The following SCFD2 variants were observed in gnomAD, a reference collection of about 807,000 sequenced individuals.
SCFD2 encodes the protein sec1 family domain-containing protein 2.
Under a neutral mutation model 58.9 loss-of-function variants are expected in SCFD2, and 54 were observed. The observed-to-expected ratio is 0.92, with a 90% CI of 0.74 to 1.15. The LOEUF is 1.15. SCFD2 is among the 50% of genes most tolerant of loss of function. The probability of loss-of-function intolerance (pLI) is 0.00; values close to 1 mark genes in which losing one functional copy is unlikely to be tolerated. For synonymous variants in SCFD2, 321 were observed against 335.9 expected (o/e 0.96, Z 0.49); for missense variants, 805 against 836.6 (o/e 0.96, Z 0.47).
intron 5 of SCFD2, among the ~76,000 whole-genome samples, chr4:52,985,050 T>TA (rs1282631804): frequency 1.3e-5 from 2 of 152,234 alleles, no homozygotes; most frequent in African/African-American, 4.8e-5. Flanking sequence ...CATGGGTATT[T>TA]AAAAACACAG....
At chr4:52,995,033 G>C (rs1182573312) in intron 5 of SCFD2, among the ~76,000 whole-genome samples, 1 of 152,114 alleles carries the variant, frequency 6.6e-6, no homozygotes, top group Admixed American at 6.5e-5. Flanking sequence ...GAATCAGGGG[G>C]GTGGCATGGG....
chr4:53,036,747 A>G (rs530913435), intron 5 of SCFD2, among the ~76,000 whole-genome samples: 1 of 152,126 alleles, frequency 6.6e-6, no homozygotes, highest in Admixed American at 6.6e-5. Flanking sequence ...AATGTAGGTG[A>G]CAGGTTGATG....
At chr4:53,044,467 G>A (rs768046552) in intron 5 of SCFD2, among the ~76,000 whole-genome samples, 1 of 149,648 alleles carries the variant, frequency 6.7e-6, no homozygotes, top group South Asian at 2.1e-4. Context: ...ACACTTTTTG[G>A]GGTTCCACAT....
chr4:53,271,161 T>A lies in SCFD2; in HGVS notation c.1311+2665A>T, dbSNP rs549964437. 4.8e-4 allele frequency among the ~76,000 whole-genome samples: 73 copies of A among 152,272 alleles called. 4 individuals carry two copies. In the South Asian group the frequency reaches 0.015, roughly 31 times the overall value. On this transcript the variant is annotated intron_variant, in intron 4 of 8. Coordinates refer to ENST00000401642, the MANE Select transcript of SCFD2 (RefSeq NM_152540.4). ...GGATAATGAAGGCAGCTCACCGACATCCTGAAGAGGACACAGCCTTGAGCC... is the reference window on the plus strand; with the variant it reads ...GGATAATGAAGGCAGCTCACCGACAACCTGAAGAGGACACAGCCTTGAGCC...
intron 4 of SCFD2, among the ~76,000 whole-genome samples, chr4:53,178,055 C>T (rs752157592): frequency 6.6e-6 from 1 of 152,224 alleles, no homozygotes; most frequent in Non-Finnish European, 1.5e-5. Context: ...GGAGGCCTAC[C>T]TGCCTCTGTA....
intron 4 of SCFD2, among the ~76,000 whole-genome samples, chr4:53,213,221 T>C (rs1284304262): frequency 2.0e-5 from 3 of 152,078 alleles, no homozygotes; most frequent in Non-Finnish European, 4.4e-5. Flanking sequence ...GTCTCCAGTA[T>C]AAGCAAAAAG....
chr4:52,917,933 A>G (rs1046439443), intron 6 of SCFD2, among the ~76,000 whole-genome samples: 11 of 152,216 alleles, frequency 7.2e-5, no homozygotes, highest in Admixed American at 3.9e-4. Context: ...TCTGAGACTT[A>G]GTGCATGCGC....
At chr4:53,214,966 T>C (rs924156809) in intron 4 of SCFD2, among the ~76,000 whole-genome samples, 7 of 152,186 alleles carry the variant, frequency 4.6e-5, no homozygotes, top group Non-Finnish European at 7.3e-5. Flanking sequence ...TAGTTGTAGA[T>C]ATGCGGCGTT....
At chr4:53,113,059 TTACTC>T (rs1166569739) in intron 5 of SCFD2, among the ~76,000 whole-genome samples, 1 of 152,116 alleles carries the variant, frequency 6.6e-6, no homozygotes, top group Non-Finnish European at 1.5e-5. Context: ...GTTACTCTGT[TTACTC>T]TACCACGTTA....
chr4:53,145,575 C>A lies in SCFD2; in HGVS notation c.1319G>T (p.Gly440Val). 6 of 1,610,092 alleles carry A rather than the reference C, an allele frequency of 3.7e-6. No individual in the cohort carries two copies. Among genetic ancestry groups the A allele is most frequent in the South Asian group, 1.1e-5 (1 of 89,910 alleles). Residue 440 changes from glycine to valine, a missense_variant, in exon 5 of 9, where the codon GGG (glycine) becomes GTG (valine). By Grantham distance (109) the Gly-to-Val change is moderately radical. This residue lies in a region of SCFD2 where 633 missense variants were observed against 646.8 expected (regional missense o/e 0.98). Coordinates refer to ENST00000401642, the MANE Select transcript of SCFD2 (RefSeq NM_152540.4). ...AFERLLLQSI[G>V]ESAMSVVLNQ... Reference sequence around the variant, plus strand: ...TAACACAACGGACATTGCTGACTCCCCAATGCTCTAAAATAAAAAATGATA... The same window carrying A: ...TAACACAACGGACATTGCTGACTCCACAATGCTCTAAAATAAAAAATGATA...
intron 3 of SCFD2, among the ~76,000 whole-genome samples, chr4:53,298,168 C>G (rs1454874894): frequency 1.3e-5 from 2 of 152,146 alleles, no homozygotes; most frequent in Non-Finnish European, 2.9e-5. Context: ...CCGGGAAGCG[C>G]AAGGGGTCAG....
At chr4:53,199,717 G>T (rs1377407324) in intron 4 of SCFD2, among the ~76,000 whole-genome samples, 1 of 152,086 alleles carries the variant, frequency 6.6e-6, no homozygotes, top group Non-Finnish European at 1.5e-5. Context: ...ATGCTGGAAA[G>T]GTGGAATGAC....
chr4:53,330,741 A>AC (rs1272066401), intron 2 of SCFD2, among the ~76,000 whole-genome samples: 1 of 152,144 alleles, frequency 6.6e-6, no homozygotes, highest in Non-Finnish European at 1.5e-5. Context: ...ATTCACACAT[A>AC]ACAATATTAA....
intron 4 of SCFD2, among the ~76,000 whole-genome samples, chr4:53,167,990 T>C (rs1727058357): frequency 6.6e-6 from 1 of 152,208 alleles, no homozygotes; most frequent in Non-Finnish European, 1.5e-5. Flanking sequence ...CAATAATATA[T>C]ATACCACACA....
intron 2 of SCFD2, among the ~76,000 whole-genome samples, chr4:53,334,764 T>TA (rs1203611443): frequency 6.6e-6 from 1 of 152,116 alleles, no homozygotes; most frequent in Non-Finnish European, 1.5e-5. Context: ...AGAAAAAAAT[T>TA]AATAGATGCT....
At position 52,875,450 on chromosome 4, in the gene SCFD2, C is replaced by T. The variant is rs373643193; in HGVS notation, c.1963-1389G>A. On this transcript the variant is annotated intron_variant, in intron 8 of 8. Coordinates refer to ENST00000401642, the MANE Select transcript of SCFD2 (RefSeq NM_152540.4). ...CTGTCCTAGAGCCTGAATTCCACAG[C>T]CCACATCCCTTGGAAGGGGATTCCA... Among the ~76,000 whole-genome samples the T allele has an allele frequency of 3.4e-4, 10 of 29,806 alleles. No individual in the cohort carries two copies. In the African/African-American group the frequency reaches 4.2e-3, roughly 13 times the overall value. The allele number at this position is 29,806 out of a possible 152,430, so 19.6% of individuals were successfully genotyped here.
intron 5 of SCFD2, among the ~76,000 whole-genome samples, chr4:53,004,824 G>C (rs1433699981): frequency 1.3e-5 from 2 of 152,028 alleles, no homozygotes; most frequent in Non-Finnish European, 1.5e-5. Flanking sequence ...TATGGTTGGG[G>C]GTATTTTTAG....
intron 4 of SCFD2, among the ~76,000 whole-genome samples, chr4:53,270,978 T>C (rs4864452): frequency 0.11 from 17,357 of 152,110 alleles, 1,119 homozygotes; most frequent in East Asian, 0.22. Flanking sequence ...AAAATTATCA[T>C]CTCACAAAAC....
chr4:53,214,566 G>A (rs1728745992), intron 4 of SCFD2, among the ~76,000 whole-genome samples: 1 of 152,098 alleles, frequency 6.6e-6, no homozygotes, highest in Admixed American at 6.5e-5. Flanking sequence ...TTTGTCAGAT[G>A]AGTAGGTTGC....
Sources: allele counts gnomAD v4.1 joint callset (sites outside exome capture counted in the v4.1 genomes callset), GRCh38; gene constraint gnomAD v4.1.1; regional missense constraint gnomAD v4.1.1; transcripts MANE v1.5; gene names NCBI Gene and HGNC (gene_info 2026-07-23, HGNC 2026-07-21).